The following ZNF676 variants were observed in gnomAD, a reference collection of about 807,000 sequenced individuals.
ZNF676 encodes the protein zinc finger protein 676.
ZNF676 carries 4 observed loss-of-function variants against 6.0 expected under a neutral mutation model. The ratio of observed to expected loss-of-function variants is 0.67; its 90% CI spans 0.33 to 1.53. The LOEUF (loss-of-function observed/expected upper bound fraction) is 1.53, where lower values mean the gene tolerates loss of function less well. Among genes scored for constraint, ZNF676 ranks in the 40% most tolerant of loss-of-function variants. The pLI, the probability that ZNF676 is intolerant of heterozygous loss-of-function variation, is 0.06. For synonymous variants in ZNF676, 198 were observed against 223.1 expected (o/e 0.89, Z 1.00); for missense variants, 644 against 679.7 (o/e 0.95, Z 0.58).
intron 1 of ZNF676, among the ~76,000 whole-genome samples, chr19:22,214,112 T>C (rs2024159611): frequency 6.6e-6 from 1 of 152,114 alleles, no homozygotes; most frequent in South Asian, 2.1e-4. Flanking sequence ...AAACTGGCAT[T>C]TGGGAATGTC....
At chr19:22,254,127 C>G in the ZNF676 span, among the ~76,000 whole-genome samples, 1 of 152,176 alleles carries the variant, frequency 6.6e-6, no homozygotes, top group Non-Finnish European at 1.5e-5. Flanking sequence ...ATGTCACAAT[C>G]TTTCCTGAGG....
chr19:22,195,092 C>A (rs1046950734), intron 1 of ZNF676, among the ~76,000 whole-genome samples: 1 of 152,062 alleles, frequency 6.6e-6, no homozygotes, highest in African/African-American at 2.4e-5. Flanking sequence ...GGTTTTTGAA[C>A]CAGGGGAATA....
At chr19:22,231,726 C>A in the ZNF676 span, among the ~76,000 whole-genome samples, 1 of 151,288 alleles carries the variant, frequency 6.6e-6, no homozygotes, top group African/African-American at 2.4e-5. Context: ...CCTCAGCCTC[C>A]CAAGTAGCTG....
At chr19:22,235,121 C>CAGGAAGGCAGGAAGGAAGGAAGGA in the ZNF676 span, among the ~76,000 whole-genome samples, 3 of 131,704 alleles carry the variant, frequency 2.3e-5, no homozygotes, top group Admixed American at 1.6e-4. Context: ...GGCAGGAAGG[C>CAGGAAGGCAGGAAGGAAGGAAGGA]AGGAAGGAAG....
At chr19:22,232,741 C>G in the ZNF676 span, among the ~76,000 whole-genome samples, 1 of 151,258 alleles carries the variant, frequency 6.6e-6, no homozygotes, top group Non-Finnish European at 1.5e-5. Context: ...AATGAAGTGA[C>G]AGTATGAAAC....
At chr19:22,202,293 A>T (rs1195790600) in intron 1 of ZNF676, among the ~76,000 whole-genome samples, 1 of 152,106 alleles carries the variant, frequency 6.6e-6, no homozygotes. Flanking sequence ...AAAGAGGTAA[A>T]ACGGTTAATA....
chr19:22,235,734 G>A, the ZNF676 span, among the ~76,000 whole-genome samples: 2 of 152,110 alleles, frequency 1.3e-5, no homozygotes, highest in Non-Finnish European at 2.9e-5. Flanking sequence ...AAGCGATAGA[G>A]GTCTCTTTGA....
intron 2 of ZNF676, among the ~76,000 whole-genome samples, chr19:22,190,889 A>C (rs953789078): frequency 3.9e-5 from 6 of 152,116 alleles, no homozygotes; most frequent in Non-Finnish European, 2.9e-5. Flanking sequence ...TGAGTCAGCC[A>C]TAAAAAGACA....
At chr19:22,198,243 G>C (rs756761891), upstream of ZNF676, among the ~76,000 whole-genome samples, 2 of 152,056 alleles carry the variant, frequency 1.3e-5, no homozygotes, top group African/African-American at 2.4e-5. Flanking sequence ...CAGCCACAAA[G>C]GGACATTTTT....
chr19:22,204,084 T>C (rs1413902249), intron 1 of ZNF676: 1 of 152,196 alleles, frequency 6.6e-6, no homozygotes. Context: ...GGAGAGCTAT[T>C]ACAGTTTTTG....
chr19:22,206,723 C>T (rs1182789195), intron 1 of ZNF676, among the ~76,000 whole-genome samples: 2 of 151,186 alleles, frequency 1.3e-5, no homozygotes, highest in Non-Finnish European at 2.9e-5. Flanking sequence ...CCAAATCCAG[C>T]AGCATATCAA....
the ZNF676 span, among the ~76,000 whole-genome samples, chr19:22,231,246 A>G: frequency 1.3e-5 from 2 of 152,114 alleles, no homozygotes; most frequent in African/African-American, 4.8e-5. Context: ...CAAAATAAGG[A>G]AAAAGTAAAA....
the ZNF676 span, among the ~76,000 whole-genome samples, chr19:22,228,518 G>A: frequency 6.6e-6 from 1 of 152,158 alleles, no homozygotes; most frequent in African/African-American, 2.4e-5. Context: ...AATCAGGCAA[G>A]AGAAAGAAAT....
intron 1 of ZNF676, among the ~76,000 whole-genome samples, chr19:22,213,679 G>C (rs1389332272): frequency 3.2e-5 from 3 of 92,392 alleles, no homozygotes; most frequent in African/African-American, 9.3e-5. Flanking sequence ...TCTTATGGGA[G>C]ATGAGAGGCT....
chr19:22,205,398 A>C (rs1335433940), intron 1 of ZNF676, among the ~76,000 whole-genome samples: 1 of 152,166 alleles, frequency 6.6e-6, no homozygotes, highest in African/African-American at 2.4e-5. Flanking sequence ...AATTGACCAC[A>C]CAATCAGAAA....
chr19:22,220,620 C>T (rs942238936), upstream of ZNF676, among the ~76,000 whole-genome samples: 3 of 152,042 alleles, frequency 2.0e-5, no homozygotes, highest in African/African-American at 7.2e-5. Context: ...CCATACCTGG[C>T]TAATTTTTGT....
chr19:22,215,040 C>CAAAA (rs1159376851), intron 1 of ZNF676, among the ~76,000 whole-genome samples: 45 of 51,296 alleles, frequency 8.8e-4, no homozygotes, highest in South Asian at 2.7e-3. Context: ...GACTCCATCT[C>CAAAA]AAAAAAAAAA....
chr19:22,214,373 G>C (rs1174362469), intron 1 of ZNF676, among the ~76,000 whole-genome samples: 1 of 152,076 alleles, frequency 6.6e-6, no homozygotes. Context: ...CCAGCACTTT[G>C]GGAGGCCGAG....
the ZNF676 span, among the ~76,000 whole-genome samples, chr19:22,257,746 T>C: frequency 6.6e-6 from 1 of 152,060 alleles, no homozygotes; most frequent in Non-Finnish European, 1.5e-5. Context: ...ACCTAGTTGC[T>C]TGGTCTGACA....
Sources: allele counts gnomAD v4.1 joint callset (sites outside exome capture counted in the v4.1 genomes callset), GRCh38; gene constraint gnomAD v4.1.1; transcripts MANE v1.5; gene names NCBI Gene and HGNC (gene_info 2026-07-23, HGNC 2026-07-21).